The following TESK2 variants were observed in gnomAD, a reference collection of about 807,000 sequenced individuals.
TESK2 encodes the protein dual specificity testis-specific protein kinase 2.
In TESK2, 39 loss-of-function variants were observed where a neutral mutation model predicts 57.1. The observed-to-expected ratio is 0.68, with a 90% CI of 0.53 to 0.89. TESK2 has a LOEUF of 0.89. Ranked by LOEUF, TESK2 falls within the 40% of genes least tolerant of loss-of-function variation. The pLI is 0.00. For missense variants in TESK2, 646 were observed against 732.1 expected, an observed-to-expected ratio of 0.88 and a Z score of 1.36; for synonymous variants, 249 against 267.9, an observed-to-expected ratio of 0.93 and a Z score of 0.69.
In TESK2 at chr1:45,457,626, T is replaced by C. The variant is rs1204166720; in HGVS notation, c.160A>G (p.Thr54Ala). 6.2e-7 allele frequency: 1 copy of C among 1,614,030 alleles called. No homozygotes were observed. The highest frequency in any genetic ancestry group is 1.1e-5 in the South Asian group (1 of 91,072). ...RALISAFSRL[T>A]RLDDFTCEKI... The stretch of plus-strand genomic sequence containing the variant: ...TCACAGGTGAAATCATCCAAACGCG[T>C]CAGTCTGGAAAAGGCACTTATAAGA... The change falls in exon 2 of 11, where the codon ACG becomes GCG. Residue 54 changes from threonine (T) to alanine (A), a missense_variant. Physicochemically the swap from Thr to Ala is moderately conservative, Grantham distance 58. Transcript: ENST00000372086.
chr1:45,352,858 A>T (rs1647270485), intron 5 of TESK2, among the ~76,000 whole-genome samples: 1 of 152,006 alleles, frequency 6.6e-6, no homozygotes, highest in African/African-American at 2.4e-5. Flanking sequence ...GAGTTGATTC[A>T]GTCCCATCCA....
intron 1 of TESK2, among the ~76,000 whole-genome samples, chr1:45,470,100 G>A (rs745898528): frequency 4.6e-5 from 7 of 152,112 alleles, no homozygotes; most frequent in Non-Finnish European, 8.8e-5. Flanking sequence ...GATATAAAGA[G>A]TAGAAAAAGA....
intron 3 of TESK2, among the ~76,000 whole-genome samples, chr1:45,403,518 C>T (rs1323253363): frequency 1.3e-5 from 2 of 152,150 alleles, no homozygotes; most frequent in Non-Finnish European, 2.9e-5. Flanking sequence ...GGTTCAGTCT[C>T]GCTTTCTCCT....
chr1:45,463,862 T>A (rs1652430835), intron 1 of TESK2, among the ~76,000 whole-genome samples: 1 of 152,208 alleles, frequency 6.6e-6, no homozygotes. Flanking sequence ...GTGCTGGGAT[T>A]ATAGGCATGA....
intron 2 of TESK2, 144 bp from the exon 3 acceptor site, chr1:45,421,990 C>T: frequency 1.2e-6 from 1 of 846,098 alleles, no homozygotes; most frequent in East Asian, 2.7e-5. Flanking sequence ...GTATCACTTC[C>T]ATGAATGAAG....
Position 45,344,954 on chromosome 1 carries a change from G to A in TESK2, c.1602C>T (p.Cys534=), listed in dbSNP as rs769058180. The A allele has an allele frequency of 1.2e-6, 2 of 1,614,254 alleles. No individual in the cohort carries two copies. Among genetic ancestry groups the A allele is most frequent in the Non-Finnish European group, 1.7e-6 (2 of 1,180,044 alleles). Reference sequence around the variant, plus strand: ...CCATCTCCTCAGAAGCACCCGCAGGGCATGGACTGGTCCCCTGGGGCCTGG... The same window carrying A: ...CCATCTCCTCAGAAGCACCCGCAGGACATGGACTGGTCCCCTGGGGCCTGG... ...FGSRPQGTSP[C]PAGASEEMEV... The change falls in exon 11 of 11, where the codon TGC becomes TGT. Residue 534 remains cysteine, a synonymous_variant. Coordinates refer to ENST00000372086, the MANE Select transcript of TESK2 (RefSeq NM_007170.3).
Position 45,346,775 on chromosome 1 carries a change from A to C in TESK2, c.797T>G (p.Phe266Cys), listed in dbSNP as rs751491078. 6.2e-7 allele frequency: 1 copy of C among 1,614,006 alleles called. No homozygotes were observed. Among genetic ancestry groups the C allele is most frequent in the Non-Finnish European group, 8.5e-7 (1 of 1,179,932 alleles). Residue 266 changes from phenylalanine (F) to cysteine (C), a missense_variant, in exon 9 of 11, where the codon TTC becomes TGC. Transcript: ENST00000372086. Reference protein sequence around the residue: ...DPDYLPRTENFGLDYDAFQHM... With the variant: ...DPDYLPRTENCGLDYDAFQHM... Reference sequence around the variant, plus strand: ...CTGGAAAGCATCATAGTCCAGCCCGAAATTCTGTGGATGGGTATGGAAAGC... The same window carrying C: ...CTGGAAAGCATCATAGTCCAGCCCGCAATTCTGTGGATGGGTATGGAAAGC...
At chr1:45,449,243 A>G (rs1305968368) in intron 2 of TESK2, among the ~76,000 whole-genome samples, 2 of 151,958 alleles carry the variant, frequency 1.3e-5, no homozygotes, top group Non-Finnish European at 2.9e-5. Flanking sequence ...AAAGAAAAAA[A>G]AAAAGGAATG....
intron 5 of TESK2, among the ~76,000 whole-genome samples, chr1:45,349,401 C>CTG (rs1432683697): frequency 6.6e-6 from 1 of 152,188 alleles, no homozygotes. Context: ...TCGCAGCTCC[C>CTG]TGACTTTGAC....
chr1:45,461,148 G>GC (rs895544354), intron 1 of TESK2, among the ~76,000 whole-genome samples: 1 of 135,362 alleles, frequency 7.4e-6, no homozygotes, highest in Non-Finnish European at 1.6e-5. Flanking sequence ...GGTGTGAACT[G>GC]CCCCTGGCCA....
At position 45,446,517 on chromosome 1, in the gene TESK2, T is replaced by C. The variant is rs570454337; in HGVS notation, c.222+11047A>G. 2.8e-4 allele frequency among the ~76,000 whole-genome samples: 42 copies of C among 152,146 alleles called. No individual in the cohort carries two copies. The South Asian group carries it at 4.4e-3, about 16-fold the overall frequency. On this transcript the variant is annotated intron_variant, in intron 2 of 10. Transcript: ENST00000372086. ...GAGGAAACATTAAAGCTTAAATGCA[T>C]ATATTAGAAAATATGAAATATTAGG...
intron 1 of TESK2, among the ~76,000 whole-genome samples, chr1:45,480,318 C>T (rs891882313): frequency 6.6e-5 from 10 of 151,562 alleles, no homozygotes; most frequent in African/African-American, 1.2e-4. Flanking sequence ...ATTAGCTGGG[C>T]GTGGTGGCAC....
chr1:45,476,673 C>T (rs756764496), intron 1 of TESK2, among the ~76,000 whole-genome samples: 12 of 151,044 alleles, frequency 7.9e-5, no homozygotes, highest in Non-Finnish European at 1.2e-4. Flanking sequence ...CGGTGAAACC[C>T]CATCTCTACT....
chr1:45,400,348 GCTGATAC>G (rs1177596737), intron 3 of TESK2, among the ~76,000 whole-genome samples: 1 of 152,212 alleles, frequency 6.6e-6, no homozygotes, highest in African/African-American at 2.4e-5. Flanking sequence ...ATGCAGCCCT[GCTGATAC>G]CTTGATTTTA....
chr1:45,378,782 T>C (rs1648534621), intron 4 of TESK2, among the ~76,000 whole-genome samples: 2 of 152,246 alleles, frequency 1.3e-5, no homozygotes, highest in Non-Finnish European at 2.9e-5. Flanking sequence ...TAGCCCATAG[T>C]AGATTCACTC....
intron 3 of TESK2, chr1:45,398,659 T>C (rs2149279285): frequency 5.4e-6 from 1 of 184,690 alleles, no homozygotes; most frequent in South Asian, 1.1e-4. Context: ...TAAAAGGTTT[T>C]TGAGGGCAGG....
At chr1:45,395,705 C>T (rs1249424690) in intron 3 of TESK2, among the ~76,000 whole-genome samples, 1 of 151,450 alleles carries the variant, frequency 6.6e-6, no homozygotes, top group Non-Finnish European at 1.5e-5. Context: ...CTCCTGGGCT[C>T]AAACAATCTT....
intron 1 of TESK2, among the ~76,000 whole-genome samples, chr1:45,485,209 G>A (rs1653413009): frequency 6.8e-6 from 1 of 146,124 alleles, no homozygotes; most frequent in African/African-American, 2.5e-5. Flanking sequence ...TTTTTTTTGA[G>A]ATGGAGTCTC....
chr1:45,345,116 A>G lies in TESK2; in HGVS notation c.1440T>C (p.Asp480=). The part of the protein sequence containing the change: ...PFVGREESLS[D]GPPPRLSSLK... ...GACTACTTAGGCGTGGTGGGGGCCC[A>G]TCAGATAGCGATTCTTCCCGGCCCA... Residue 480 remains aspartate (D), a synonymous_variant, in exon 11 of 11, where the codon GAT becomes GAC. Transcript: ENST00000372086. 3.7e-6 allele frequency: 6 copies of G among 1,614,174 alleles called. No individual in the cohort carries two copies. The highest frequency in any genetic ancestry group is 5.1e-6 in the Non-Finnish European group (6 of 1,180,038).
Sources: allele counts gnomAD v4.1 joint callset (sites outside exome capture counted in the v4.1 genomes callset), GRCh38; gene constraint gnomAD v4.1.1; transcripts MANE v1.5; gene names NCBI Gene and HGNC (gene_info 2026-07-23, HGNC 2026-07-21).